Variants in LY86 observed in about 807,000 individuals in gnomAD.
LY86 encodes MD-1, RP105-associated.
In LY86, 20 loss-of-function variants were observed where a neutral mutation model predicts 17.3. The ratio of observed to expected loss-of-function variants is 1.15; its 90% CI spans 0.81 to 1.68. LY86 has a LOEUF of 1.68. Among genes scored for constraint, LY86 ranks in the 40% most tolerant of loss-of-function variants. The pLI is 0.00. For synonymous variants in LY86, 74 were observed against 70.6 expected, an observed-to-expected ratio of 1.05 and a Z score of -0.24; for missense variants, 200 against 191.9, an observed-to-expected ratio of 1.04 and a Z score of -0.25.
intron 1 of LY86, among the ~76,000 whole-genome samples, chr6:6,604,927 G>C (rs1258694069): frequency 2.0e-5 from 3 of 150,686 alleles, no homozygotes; most frequent in Non-Finnish European, 3.0e-5. Flanking sequence ...TCATAGAAAA[G>C]AGAAAATAAC....
intron 1 of LY86, among the ~76,000 whole-genome samples, chr6:6,612,148 G>A (rs773958026): frequency 1.9e-4 from 29 of 151,304 alleles, no homozygotes; most frequent in African/African-American, 3.4e-4. Context: ...AAGATTGATA[G>A]ATGTGTCCAC....
chr6:6,602,724 G>A (rs868410145), intron 1 of LY86, among the ~76,000 whole-genome samples: 2 of 152,112 alleles, frequency 1.3e-5, no homozygotes, highest in Non-Finnish European at 2.9e-5. Flanking sequence ...ATCTCAAGGG[G>A]GAAGAAACTG....
intron 1 of LY86, chr6:6,621,193 CA>C (rs1159284717): frequency 1.3e-5 from 2 of 152,210 alleles, no homozygotes; most frequent in Non-Finnish European, 2.9e-5. Context: ...TGCTGAAATA[CA>C]GTGAAGTATC....
chr6:6,598,916 C>A (rs992825896), intron 1 of LY86, among the ~76,000 whole-genome samples: 1 of 152,206 alleles, frequency 6.6e-6, no homozygotes, highest in Non-Finnish European at 1.5e-5. Context: ...ACCTGTCTTT[C>A]CATTTGTATA....
At chr6:6,602,208 C>G (rs1256342968) in intron 1 of LY86, among the ~76,000 whole-genome samples, 5 of 152,230 alleles carry the variant, frequency 3.3e-5, no homozygotes, top group African/African-American at 9.6e-5. Flanking sequence ...TATGTATCCA[C>G]TTGTTCAGTT....
intron 4 of LY86, among the ~76,000 whole-genome samples, chr6:6,650,572 A>T (rs1392217695): frequency 6.6e-6 from 1 of 152,114 alleles, no homozygotes; most frequent in African/African-American, 2.4e-5. Flanking sequence ...TGACCTCGTG[A>T]TCCACCCGCC....
At chr6:6,605,333 G>A (rs1761075437) in intron 1 of LY86, among the ~76,000 whole-genome samples, 1 of 152,190 alleles carries the variant, frequency 6.6e-6, no homozygotes. Context: ...GGGGTCTCTG[G>A]GAAAAGGTGA....
At chr6:6,589,544 A>G (rs1760460714) in intron 1 of LY86, among the ~76,000 whole-genome samples, 1 of 152,152 alleles carries the variant, frequency 6.6e-6, no homozygotes, top group Non-Finnish European at 1.5e-5. Context: ...AAGTGTCAGA[A>G]CCAACCAATC....
chr6:6,608,100 T>G (rs1761238741), intron 1 of LY86, among the ~76,000 whole-genome samples: 1 of 152,174 alleles, frequency 6.6e-6, no homozygotes, highest in Non-Finnish European at 1.5e-5. Flanking sequence ...CCCTTTAAAA[T>G]CAAGAGTGAG....
intron 1 of LY86, among the ~76,000 whole-genome samples, chr6:6,608,913 G>C (rs1328284468): frequency 1.3e-5 from 2 of 152,208 alleles, no homozygotes; most frequent in African/African-American, 4.8e-5. Flanking sequence ...TTTCATGGCA[G>C]CTTGCTATCT....
At chr6:6,649,734 A>C (rs1267433539) in intron 4 of LY86, 57 bp downstream of exon 4, 3 of 998,486 alleles carry the variant, frequency 3.0e-6, no homozygotes, top group Admixed American at 4.4e-5. Context: ...AAGAAGAAGA[A>C]GGCTAGAAGG....
intron 1 of LY86, among the ~76,000 whole-genome samples, chr6:6,610,146 C>A (rs77538181): frequency 0.025 from 3,873 of 152,242 alleles, 160 homozygotes; most frequent in African/African-American, 0.089. Flanking sequence ...AGAGCGAACA[C>A]GTGCGTGCGT....
intron 1 of LY86, among the ~76,000 whole-genome samples, chr6:6,613,674 C>G (rs1316593500): frequency 6.6e-6 from 1 of 152,252 alleles, no homozygotes; most frequent in Non-Finnish European, 1.5e-5. Flanking sequence ...CCGGCCTTGG[C>G]CAGCCCAGAA....
At chr6:6,591,376 A>G in intron 1 of LY86, 1 of 153,968 alleles carries the variant, frequency 6.5e-6, no homozygotes. Context: ...ACGATCAGAC[A>G]ATTAAGCAAC....
intron 1 of LY86, among the ~76,000 whole-genome samples, chr6:6,600,668 G>A (rs1283186326): frequency 2.1e-5 from 3 of 144,828 alleles, no homozygotes; most frequent in African/African-American, 7.8e-5. Flanking sequence ...ACACCCCAAA[G>A]CTTGAGGCCA....
Position 6,643,312 on chromosome 6 carries a change from A to G in LY86, c.353-6313A>G, listed in dbSNP as rs142276495. On this transcript the variant is annotated intron_variant, in intron 3 of 4. Coordinates refer to ENST00000230568, the MANE Select transcript of LY86 (RefSeq NM_004271.4). ...TGGATAAAGACAATTTGGTCTATAC[A>G]CACAATGGAATATGATTCAGCCTTA... Among the ~76,000 whole-genome samples the G allele has an allele frequency of 4.4e-3, 674 of 152,344 alleles. 14 individuals are homozygous for G. The highest frequency in any genetic ancestry group is 0.038 in the Admixed American group (587 of 15,310).
At position 6,588,758 on chromosome 6, in the gene LY86, C is replaced by A; in HGVS notation, c.24C>A (p.Leu8=). ...CCATGAAGGGTTTCACAGCCACTCT[C>A]TTCCTCTGGACTCTGATTTTTCCCA... MKGFTAT[L]FLWTLIFPSC... is the part of the protein sequence containing the mutation. Residue 8 remains leucine (L), a synonymous_variant, in exon 1 of 5, where the codon CTC becomes CTA. Coordinates refer to ENST00000230568, the MANE Select transcript of LY86 (RefSeq NM_004271.4). 1 of 1,614,220 alleles carries A rather than the reference C, an allele frequency of 6.2e-7. No individual in the cohort carries two copies. The highest frequency in any genetic ancestry group is 1.1e-5 in the South Asian group (1 of 91,088).
At chr6:6,612,807 GA>G (rs2113120685) in intron 1 of LY86, among the ~76,000 whole-genome samples, 1 of 152,314 alleles carries the variant, frequency 6.6e-6, no homozygotes, top group South Asian at 2.1e-4. Context: ...GCTAGACACA[GA>G]GTGCTGATTG....
intron 1 of LY86, among the ~76,000 whole-genome samples, chr6:6,610,195 C>T (rs1407480620): frequency 6.6e-6 from 1 of 152,218 alleles, no homozygotes; most frequent in Non-Finnish European, 1.5e-5. Context: ...CTGTAGAGTA[C>T]ACCAGTGTCA....
Sources: allele counts gnomAD v4.1 joint callset (sites outside exome capture counted in the v4.1 genomes callset), GRCh38; gene constraint gnomAD v4.1.1; transcripts MANE v1.5; gene names NCBI Gene and HGNC (gene_info 2026-07-23, HGNC 2026-07-21).